Variants in FAR2 observed in about 807,000 individuals in gnomAD.
The protein encoded by FAR2 is fatty acyl-CoA reductase 2, also known as epididymis secretory protein Li 81.
In FAR2, 19 loss-of-function variants were observed where a neutral mutation model predicts 56.0. The observed-to-expected ratio is 0.34, with a 90% CI of 0.24 to 0.50. The LOEUF is 0.50. Ranked by LOEUF, FAR2 falls within the 20% of genes least tolerant of loss-of-function variation. FAR2 has a pLI of 0.98. For synonymous variants in FAR2, 219 were observed against 218.8 expected (o/e 1.00, Z -0.01); for missense variants, 508 against 642.2 (o/e 0.79, Z 2.26).
At chr12:29,185,635 C>T (rs912285945) in intron 1 of FAR2, among the ~76,000 whole-genome samples, 6 of 152,132 alleles carry the variant, frequency 3.9e-5, no homozygotes, top group African/African-American at 1.4e-4. Flanking sequence ...ACTGTAGAAT[C>T]ATAAAAATTC....
Position 29,332,671 on chromosome 12 carries a change from A to T in FAR2, c.1329A>T (p.Lys443Asn), listed in dbSNP as rs746310212. Residue 443 changes from lysine to asparagine, a missense_variant, in exon 11 of 12, where the codon AAA (lysine) becomes AAT (asparagine). By Grantham distance (94) the Lys-to-Asn change is moderately conservative (BLOSUM62 0). Transcript: ENST00000536681. ...YIENYVLGVKKYLLKEDMAGI... is the reference protein window; with the variant it reads ...YIENYVLGVKNYLLKEDMAGI... ...AAAATTATGTTTTGGGAGTTAAAAA[A>T]TACTTATTGAAAGAGGATATGGCTG... 3 of 1,613,830 alleles carry T rather than the reference A, an allele frequency of 1.9e-6. No individual in the cohort carries two copies. The highest frequency in any genetic ancestry group is 2.5e-6 in the Non-Finnish European group (3 of 1,179,808).
At position 29,278,692 on chromosome 12, in the gene FAR2, G is replaced by A. The variant is rs1238330947; in HGVS notation, c.189+8054G>A. 2.0e-5 allele frequency among the ~76,000 whole-genome samples: 3 copies of A among 152,138 alleles called. 1 individual carries two copies. The highest frequency in any genetic ancestry group is 4.1e-4 in the South Asian group (2 of 4,832). On this transcript the variant is annotated intron_variant, in intron 2 of 11. Coordinates refer to ENST00000536681, the MANE Select transcript of FAR2 (RefSeq NM_001271783.2). ...ACAAAAAAGTACTTTTTATTCTAAGGTTGAATTTAGGAGGCTGTATAAAGT... is the reference window on the plus strand; with the variant it reads ...ACAAAAAAGTACTTTTTATTCTAAGATTGAATTTAGGAGGCTGTATAAAGT...
chr12:29,319,231 G>T (rs1413641818), intron 9 of FAR2, among the ~76,000 whole-genome samples: 3 of 151,940 alleles, frequency 2.0e-5, no homozygotes, highest in Admixed American at 6.6e-5. Context: ...CCTCAAGCAA[G>T]TCACCCGCCT....
chr12:29,263,358 T>C (rs1591906228), intron 1 of FAR2, among the ~76,000 whole-genome samples: 1 of 152,076 alleles, frequency 6.6e-6, no homozygotes, highest in East Asian at 1.9e-4. Context: ...ATTCTTCTCC[T>C]CAGAACATGG....
intron 1 of FAR2, among the ~76,000 whole-genome samples, chr12:29,227,459 T>C (rs1326591337): frequency 1.3e-5 from 2 of 152,210 alleles, no homozygotes; most frequent in Non-Finnish European, 2.9e-5. Flanking sequence ...TTAGGGTCAA[T>C]AACAATGAAT....
chr12:29,312,146 G>A (rs372262319), intron 8 of FAR2, among the ~76,000 whole-genome samples, 196 bp downstream of exon 8: 3 of 152,226 alleles, frequency 2.0e-5, no homozygotes, highest in African/African-American at 7.2e-5. Context: ...GGAGTCAGTG[G>A]CAACATGTAC....
chr12:29,290,116 C>G (rs147859705), intron 2 of FAR2, among the ~76,000 whole-genome samples: 1 of 152,112 alleles, frequency 6.6e-6, no homozygotes. Context: ...ACAACCACTA[C>G]GGAGAACAGT....
At chr12:29,325,368 A>AG (rs771574992) in intron 10 of FAR2, among the ~76,000 whole-genome samples, 24 of 152,184 alleles carry the variant, frequency 1.6e-4, no homozygotes, top group Non-Finnish European at 2.2e-4. Context: ...AAGGATATCC[A>AG]GGAATTGAAC....
intron 1 of FAR2, among the ~76,000 whole-genome samples, chr12:29,173,425 C>T (rs1565681128): frequency 6.6e-6 from 1 of 152,106 alleles, no homozygotes; most frequent in Non-Finnish European, 1.5e-5. Context: ...AAATTGCAAG[C>T]TTTGCATAGT....
intron 1 of FAR2, among the ~76,000 whole-genome samples, chr12:29,248,315 G>C (rs903021521): frequency 2.0e-5 from 3 of 152,112 alleles, no homozygotes; most frequent in Non-Finnish European, 4.4e-5. Context: ...CGGCCAGCTT[G>C]AGAAATAAAG....
chr12:29,176,137 TATC>T (rs1280490405), intron 1 of FAR2, among the ~76,000 whole-genome samples: 1 of 152,212 alleles, frequency 6.6e-6, no homozygotes, highest in East Asian at 1.9e-4. Flanking sequence ...AGATCATCAT[TATC>T]ATCATTTAAT....
At chr12:29,183,756 A>C (rs1950013005) in intron 1 of FAR2, among the ~76,000 whole-genome samples, 1 of 152,230 alleles carries the variant, frequency 6.6e-6, no homozygotes. Flanking sequence ...TCCATAAGAC[A>C]GTCTCTAGCT....
At chr12:29,167,744 C>T (rs1411558630) in intron 1 of FAR2, among the ~76,000 whole-genome samples, 1 of 152,212 alleles carries the variant, frequency 6.6e-6, no homozygotes, top group African/African-American at 2.4e-5. Flanking sequence ...AAGAATTATC[C>T]TGACAATTTG....
chr12:29,317,651 G>C (rs1949475470), intron 9 of FAR2: 1 of 152,606 alleles, frequency 6.6e-6, no homozygotes, highest in South Asian at 2.1e-4. Flanking sequence ...TGTCACTAGG[G>C]TTTTCTGAAT....
chr12:29,200,952 T>A (rs1947401435), intron 1 of FAR2, among the ~76,000 whole-genome samples: 1 of 152,192 alleles, frequency 6.6e-6, no homozygotes, highest in Non-Finnish European at 1.5e-5. Context: ...ACAGCTGGAC[T>A]GGCAGAGGAG....
rs1466862032 is a variant in FAR2 at position 29,190,715 on chromosome 12, G to T, written c.-39+41308G>T. Among the ~76,000 whole-genome samples, 3 of 151,818 alleles carry T rather than the reference G, an allele frequency of 2.0e-5. No individual in the cohort carries two copies. In the South Asian group the frequency reaches 6.3e-4, roughly 32 times the overall value. ...CCTGACCTGGTGATCCACCCACCTC[G>T]GCCTCCCAAAGTGCTGGGATTACAG... On this transcript the variant is annotated intron_variant, in intron 1 of 11. Transcript: ENST00000536681.
intron 1 of FAR2, among the ~76,000 whole-genome samples, chr12:29,220,161 A>C (rs765742474): frequency 1.3e-5 from 2 of 152,122 alleles, no homozygotes; most frequent in Non-Finnish European, 2.9e-5. Context: ...GTGAATTTTT[A>C]ATGGACTCTG....
chr12:29,311,559 A>T (rs955538951), intron 7 of FAR2, among the ~76,000 whole-genome samples: 4 of 152,084 alleles, frequency 2.6e-5, no homozygotes, highest in Non-Finnish European at 5.9e-5. Flanking sequence ...TACAAAGGAA[A>T]AAAAATAGGT....
Position 29,332,580 on chromosome 12 carries a change from TA to T in FAR2, c.1258-18del. ...CCAGCACTGCAATTCTGGCAATCTATAATCTCTCTTGCCTCTCAGGTATTCA... is the reference window on the plus strand; with the variant it reads ...CCAGCACTGCAATTCTGGCAATCTATATCTCTCTTGCCTCTCAGGTATTCA... On this transcript the variant is annotated intron_variant, in intron 10 of 11. Transcript: ENST00000536681. The T allele has an allele frequency of 6.2e-7, 1 of 1,613,244 alleles. No homozygotes were observed. The highest frequency in any genetic ancestry group is 1.3e-5 in the African/African-American group (1 of 75,018).
Sources: gnomAD v4.1 joint callset for allele counts (sites outside exome capture counted in the v4.1 genomes callset) on GRCh38, gnomAD v4.1.1 for gene constraint, MANE v1.5 for transcripts, NCBI Gene and HGNC (gene_info 2026-07-23, HGNC 2026-07-21) for gene names.